The following SLC44A5 variants were observed in gnomAD, a reference collection of about 807,000 sequenced individuals.
The protein encoded by SLC44A5 is choline transporter-like protein 5.
Under a neutral mutation model 101.8 loss-of-function variants are expected in SLC44A5, and 57 were observed. That is an observed-to-expected ratio of 0.56 (90% CI 0.45 to 0.70). The LOEUF (loss-of-function observed/expected upper bound fraction) is 0.70, where lower values mean the gene tolerates loss of function less well. SLC44A5 is among the 30% of genes least tolerant of loss of function. The pLI is 0.00. For synonymous variants in SLC44A5, 281 were observed against 290.9 expected (o/e 0.97, Z 0.35); for missense variants, 737 against 853.1 (o/e 0.86, Z 1.70).
intron 6 of SLC44A5, among the ~76,000 whole-genome samples, chr1:75,274,699 C>A (rs755180965): frequency 6.6e-6 from 1 of 152,150 alleles, no homozygotes; most frequent in Non-Finnish European, 1.5e-5. Context: ...TTGGTCCAAT[C>A]TATTCATTAT....
upstream of SLC44A5, among the ~76,000 whole-genome samples, chr1:75,612,860 T>C (rs1168564150): frequency 6.6e-6 from 1 of 152,236 alleles, no homozygotes; most frequent in African/African-American, 2.4e-5. Flanking sequence ...TGTAACCAGC[T>C]TGCATTTATA....
the SLC44A5 span, among the ~76,000 whole-genome samples, chr1:75,618,462 C>T: frequency 3.3e-5 from 5 of 152,138 alleles, no homozygotes. Context: ...TCAAGGGTTG[C>T]AATTAGAATG....
intron 3 of SLC44A5, among the ~76,000 whole-genome samples, chr1:75,386,552 A>G (rs1185975866): frequency 2.0e-5 from 3 of 152,240 alleles, no homozygotes; most frequent in Non-Finnish European, 2.9e-5. Flanking sequence ...GCTCAAGGAA[A>G]TAAAAGAGAA....
At chr1:75,610,009 G>C (rs1189777136) in intron 1 of SLC44A5, among the ~76,000 whole-genome samples, 1 of 151,952 alleles carries the variant, frequency 6.6e-6, no homozygotes, top group Non-Finnish European at 1.5e-5. Context: ...CTGAAGGCTT[G>C]ACTTGGTTGC....
chr1:75,319,650 C>A (rs1655988915), intron 4 of SLC44A5, among the ~76,000 whole-genome samples: 1 of 152,140 alleles, frequency 6.6e-6, no homozygotes, highest in Admixed American at 6.5e-5. Context: ...TGCCTTTCTA[C>A]TATCATCATT....
At chr1:75,524,237 G>A (rs1193731916) in intron 2 of SLC44A5, among the ~76,000 whole-genome samples, 1 of 152,164 alleles carries the variant, frequency 6.6e-6, no homozygotes, top group Non-Finnish European at 1.5e-5. Flanking sequence ...ATGTGAAGAT[G>A]TGCTTGCTTC....
intron 1 of SLC44A5, among the ~76,000 whole-genome samples, chr1:75,549,138 TC>T (rs201874502): frequency 0.021 from 2,594 of 126,092 alleles, 34 homozygotes; most frequent in Non-Finnish European, 0.034. Context: ...TGATTTTATT[TC>T]CAGAGGTTTT....
intron 1 of SLC44A5, among the ~76,000 whole-genome samples, chr1:75,552,300 A>G (rs1184130968): frequency 6.6e-6 from 1 of 152,104 alleles, no homozygotes; most frequent in Non-Finnish European, 1.5e-5. Flanking sequence ...CTTAGCACCC[A>G]TAGGTGCTAT....
At chr1:75,530,089 C>T (rs1382085624) in intron 2 of SLC44A5, among the ~76,000 whole-genome samples, 1 of 151,974 alleles carries the variant, frequency 6.6e-6, no homozygotes, top group African/African-American at 2.4e-5. Context: ...TGCTCTGTGG[C>T]CCAGGCTGGA....
Position 75,215,867 on chromosome 1 carries a change from G to GGA in SLC44A5, c.1625-12_1625-11dup. 1 of 1,412,890 alleles carries GGA rather than the reference G, an allele frequency of 7.1e-7. No individual in the cohort carries two copies. Among genetic ancestry groups the GGA allele is most frequent in the Non-Finnish European group, 1.0e-6 (1 of 1,002,870 alleles). The allele number at this position is 1,412,890 out of a possible 1,614,324, so 87.5% of individuals were successfully genotyped here. ...AATGTGTTCTGGGTACCTATGAGAAGGAGATATTTAAATCTATTAATGATT... is the reference window on the plus strand; with the variant it reads ...AATGTGTTCTGGGTACCTATGAGAAGGAGAGATATTTAAATCTATTAATGATT... On this transcript the variant is annotated splice_polypyrimidine_tract_variant and intron_variant, in intron 18 of 23. Transcript: ENST00000370859.
chr1:75,570,973 C>T (rs1673043827), intron 1 of SLC44A5, among the ~76,000 whole-genome samples: 2 of 152,210 alleles, frequency 1.3e-5, no homozygotes, highest in South Asian at 2.1e-4. Context: ...CCCAGAGCCC[C>T]CAGTCAGTTT....
the SLC44A5 span, among the ~76,000 whole-genome samples, chr1:75,681,664 A>G: frequency 6.7e-6 from 1 of 149,484 alleles, no homozygotes; most frequent in African/African-American, 2.5e-5. Flanking sequence ...CTGAATGGGC[A>G]AAAACTGGAA....
the SLC44A5 span, among the ~76,000 whole-genome samples, chr1:75,619,079 A>AAGGC: frequency 2.1e-5 from 2 of 96,550 alleles, no homozygotes; most frequent in Non-Finnish European, 3.9e-5. Flanking sequence ...TCAAAAAAAA[A>AAGGC]GGGGGGGGGG....
At chr1:75,583,200 C>A (rs1194187204) in intron 1 of SLC44A5, among the ~76,000 whole-genome samples, 1 of 152,158 alleles carries the variant, frequency 6.6e-6, no homozygotes, top group Non-Finnish European at 1.5e-5. Context: ...CTCTCCCTAT[C>A]CCACCCTCAA....
chr1:75,661,390 A>T, the SLC44A5 span, among the ~76,000 whole-genome samples: 1 of 39,586 alleles, frequency 2.5e-5, no homozygotes, highest in Non-Finnish European at 8.5e-5. Flanking sequence ...CTGCAAGTAA[A>T]AAAAAAAAAA....
intron 3 of SLC44A5, among the ~76,000 whole-genome samples, chr1:75,341,636 A>C (rs1030907179): frequency 6.6e-6 from 1 of 152,198 alleles, no homozygotes; most frequent in African/African-American, 2.4e-5. Flanking sequence ...GAGCTGTGAT[A>C]GAGAATGCTG....
chr1:75,557,274 T>C (rs963711889), intron 1 of SLC44A5, among the ~76,000 whole-genome samples: 9 of 152,126 alleles, frequency 5.9e-5, no homozygotes, highest in Non-Finnish European at 1.2e-4. Context: ...AGAAAAAATT[T>C]CATCCAGAGA....
At chr1:75,362,394 AC>A (rs1659553411) in intron 3 of SLC44A5, among the ~76,000 whole-genome samples, 1 of 144,890 alleles carries the variant, frequency 6.9e-6, no homozygotes. Flanking sequence ...GTTTATTTGA[AC>A]TCTCTTCTTT....
chr1:75,292,814 G>T (rs1653669843), intron 5 of SLC44A5, among the ~76,000 whole-genome samples: 2 of 152,156 alleles, frequency 1.3e-5, no homozygotes, highest in Non-Finnish European at 2.9e-5. Flanking sequence ...TGGGGTTCTG[G>T]TCTACCCCTC....
Sources: gnomAD v4.1 joint callset for allele counts (sites outside exome capture counted in the v4.1 genomes callset) on GRCh38, gnomAD v4.1.1 for gene constraint, MANE v1.5 for transcripts, NCBI Gene and HGNC (gene_info 2026-07-23, HGNC 2026-07-21) for gene names.